The following DPP10 variants were observed in gnomAD, a reference collection of about 807,000 sequenced individuals.
The protein encoded by DPP10 is dipeptidyl peptidase like 10.
A neutral mutation model predicts 120.9 loss-of-function variants in DPP10; 33 were observed. The observed-to-expected ratio is 0.27, with a 90% confidence interval of 0.21 to 0.37. DPP10 has a LOEUF of 0.37. Ranked by LOEUF, DPP10 falls within the 10% of genes least tolerant of loss-of-function variation. DPP10 has a pLI of 1.00. For missense variants in DPP10, 816 were observed against 942.8 expected (o/e 0.87, Z 1.76); for synonymous variants, 337 against 326.1 (o/e 1.03, Z -0.36).
chr2:115,381,141 A>C (rs1052747268), intron 3 of DPP10, among the ~76,000 whole-genome samples: 1 of 152,316 alleles, frequency 6.6e-6, no homozygotes, highest in East Asian at 1.9e-4. Context: ...AATATCCTGC[A>C]GAGTATTTTC....
intron 21 of DPP10, among the ~76,000 whole-genome samples, chr2:115,818,192 T>C (rs1687458962): frequency 6.6e-6 from 1 of 152,210 alleles, no homozygotes. Flanking sequence ...GTTCTTGGAA[T>C]TTTTGTCTAG....
At chr2:115,764,607 T>G (rs1428927410) in intron 12 of DPP10, among the ~76,000 whole-genome samples, 2 of 152,130 alleles carry the variant, frequency 1.3e-5, no homozygotes, top group Non-Finnish European at 2.9e-5. Flanking sequence ...TTAACATATG[T>G]CAACATAATG....
At chr2:115,675,851 C>T (rs963950560) in intron 5 of DPP10, among the ~76,000 whole-genome samples, 2 of 152,170 alleles carry the variant, frequency 1.3e-5, no homozygotes, top group Non-Finnish European at 2.9e-5. Flanking sequence ...ACATCCTTCC[C>T]TGAGGACGAA....
intron 5 of DPP10, among the ~76,000 whole-genome samples, chr2:115,636,837 G>A (rs1024020897): frequency 3.3e-5 from 5 of 152,074 alleles, no homozygotes; most frequent in African/African-American, 1.2e-4. Flanking sequence ...TCAGACTTCT[G>A]CTCACATCCC....
intron 1 of DPP10, among the ~76,000 whole-genome samples, chr2:115,184,491 G>A (rs1273676651): frequency 6.6e-6 from 1 of 152,206 alleles, no homozygotes; most frequent in East Asian, 1.9e-4. Flanking sequence ...AGCCAGGGAT[G>A]CAACAAGAGT....
Position 114,551,790 on chromosome 2 carries a change from C to T in DPP10, c.60+108952C>T, listed in dbSNP as rs116031473. Reference sequence around the variant, plus strand: ...TCCTCTCTCAAATACCTCCCTTCTTCCCAGTTTCTGACCTGGTTACTGTTT... The same window carrying T: ...TCCTCTCTCAAATACCTCCCTTCTTTCCAGTTTCTGACCTGGTTACTGTTT... On this transcript the variant is annotated intron_variant, in intron 1 of 25. Transcript: ENST00000410059. Among the ~76,000 whole-genome samples the T allele has an allele frequency of 9.4e-3, 1,428 of 152,294 alleles. 16 individuals carry two copies. The highest frequency in any genetic ancestry group is 0.032 in the African/African-American group (1,350 of 41,554).
At chr2:115,763,608 C>G (rs185063366) in intron 12 of DPP10, among the ~76,000 whole-genome samples, 46 of 152,274 alleles carry the variant, frequency 3.0e-4, no homozygotes, top group Admixed American at 2.5e-3. Context: ...TTACTTTTCT[C>G]TAATTCACAA....
intron 1 of DPP10, among the ~76,000 whole-genome samples, chr2:114,665,116 A>T (rs1275222685): frequency 6.6e-6 from 1 of 152,208 alleles, no homozygotes. Flanking sequence ...AGTACCTTAT[A>T]TTACAACATA....
chr2:115,589,355 T>C (rs1034822131), intron 5 of DPP10, among the ~76,000 whole-genome samples: 2 of 152,178 alleles, frequency 1.3e-5, no homozygotes, highest in African/African-American at 2.4e-5. Flanking sequence ...AGAGAAGTAA[T>C]GGCTTTAAAA....
intron 1 of DPP10, among the ~76,000 whole-genome samples, chr2:115,038,929 C>T (rs538673160): frequency 1.3e-3 from 204 of 152,232 alleles, no homozygotes; most frequent in Non-Finnish European, 2.2e-3. Context: ...ATCACCGAAG[C>T]CCTTAATCAA....
In DPP10 at chr2:115,835,455, AAGAGAGAGAG is replaced by A. The variant is rs141321713; in HGVS notation, c.1951-696_1951-687del. Among the ~76,000 whole-genome samples, 242 of 151,688 alleles carry A rather than the reference AAGAGAGAGAG, an allele frequency of 1.6e-3. 4 individuals are homozygous for A. The East Asian group carries it at 0.042, about 26-fold the overall frequency. ...CCTGGTGCGGAAAGAGAGGGAGAGA[AAGAGAGAGAG>A]AGAGACCCTTGAAAACATCTATACA... On this transcript the variant is annotated intron_variant, in intron 21 of 25. Coordinates refer to ENST00000410059, the MANE Select transcript of DPP10 (RefSeq NM_020868.6).
chr2:115,459,395 G>T (rs1170192410), intron 3 of DPP10, among the ~76,000 whole-genome samples: 1 of 152,044 alleles, frequency 6.6e-6, no homozygotes, highest in Non-Finnish European at 1.5e-5. Flanking sequence ...GACCTCAGGT[G>T]ATCCACCCAC....
rs185795809 is a variant in DPP10 at position 115,690,979 on chromosome 2, G to T, written c.576+1058G>T. ...AAATGATGATACAAAATAGTATTTCGTTATAGTTTTATTAACATTTAGTAT... is the reference window on the plus strand; with the variant it reads ...AAATGATGATACAAAATAGTATTTCTTTATAGTTTTATTAACATTTAGTAT... On this transcript the variant is annotated intron_variant, in intron 7 of 25. Coordinates refer to ENST00000410059, the MANE Select transcript of DPP10 (RefSeq NM_020868.6). Among the ~76,000 whole-genome samples, 11 of 152,160 alleles carry T rather than the reference G, an allele frequency of 7.2e-5. No homozygotes were observed. The East Asian group carries it at 1.5e-3, about 21-fold the overall frequency.
chr2:115,317,305 G>A (rs1484105699), intron 2 of DPP10, among the ~76,000 whole-genome samples: 2 of 152,094 alleles, frequency 1.3e-5, no homozygotes, highest in South Asian at 2.1e-4. Context: ...GACCTTTAGT[G>A]TCTAACATCT....
At chr2:115,657,326 A>G (rs993331145) in intron 5 of DPP10, among the ~76,000 whole-genome samples, 2 of 151,970 alleles carry the variant, frequency 1.3e-5, no homozygotes, top group East Asian at 3.9e-4. Context: ...TTTTAAAATC[A>G]GTCATTTAAA....
At chr2:115,214,698 T>C (rs1250331954) in intron 1 of DPP10, among the ~76,000 whole-genome samples, 1 of 152,198 alleles carries the variant, frequency 6.6e-6, no homozygotes, top group Non-Finnish European at 1.5e-5. Flanking sequence ...AATGATCTTA[T>C]ATCATTCTTA....
intron 1 of DPP10, among the ~76,000 whole-genome samples, chr2:115,230,892 C>T (rs1334169158): frequency 3.3e-5 from 5 of 151,884 alleles, no homozygotes; most frequent in Admixed American, 1.3e-4. Flanking sequence ...AGATTGAGAA[C>T]TTCTGGCACA....
intron 1 of DPP10, among the ~76,000 whole-genome samples, chr2:114,513,046 A>G (rs753626441): frequency 2.1e-4 from 32 of 152,200 alleles, no homozygotes; most frequent in Non-Finnish European, 4.0e-4. Flanking sequence ...GAGGAGAAAA[A>G]GAAGAGGAGG....
At chr2:115,708,299 C>G (rs768211317) in intron 7 of DPP10, among the ~76,000 whole-genome samples, 1 of 151,892 alleles carries the variant, frequency 6.6e-6, no homozygotes, top group Non-Finnish European at 1.5e-5. Context: ...ATTTAAAAAG[C>G]AACTGTGACT....
Sources: gnomAD v4.1 joint callset for allele counts (sites outside exome capture counted in the v4.1 genomes callset) on GRCh38, gnomAD v4.1.1 for gene constraint, MANE v1.5 for transcripts, NCBI Gene and HGNC (gene_info 2026-07-23, HGNC 2026-07-21) for gene names.